The following MYOM2 variants were observed in gnomAD, a reference collection of about 807,000 sequenced individuals.
MYOM2 encodes myomesin-2.
MYOM2 carries 254 observed loss-of-function variants against 187.6 expected under a neutral mutation model. The ratio of observed to expected loss-of-function variants is 1.35; its 90% CI spans 1.22 to 1.50. The LOEUF is 1.50. Ranked by LOEUF, MYOM2 falls within the 40% of genes most tolerant of loss-of-function variation. MYOM2 has a pLI of 0.00. For missense variants in MYOM2, 2,796 were observed against 1,924.0 expected, an observed-to-expected ratio of 1.45 and a Z score of -8.48; for synonymous variants, 981 against 753.8, an observed-to-expected ratio of 1.30 and a Z score of -4.94.
At chr8:2,112,899 G>A (rs749340779) in intron 25 of MYOM2, among the ~76,000 whole-genome samples, 38 of 152,222 alleles carry the variant, frequency 2.5e-4, no homozygotes, top group Non-Finnish European at 4.4e-4. Context: ...TCCAAGGGCT[G>A]ACGGAGTCTT....
chr8:2,092,640 T>A, intron 16 of MYOM2, 120 bp downstream of exon 16: 1 of 1,049,756 alleles, frequency 9.5e-7, no homozygotes, highest in Non-Finnish European at 1.4e-6. Flanking sequence ...AATGAGTCTG[T>A]CTTAGCCACA....
intron 24 of MYOM2, 71 bp downstream of exon 24, chr8:2,108,901 A>T (rs1205774169): frequency 6.9e-7 from 1 of 1,447,232 alleles, no homozygotes; most frequent in African/African-American, 1.4e-5. Context: ...TTAATGCATG[A>T]GCTCTTGGAA....
rs190136166 is a variant in MYOM2, at chr8:2,089,080, A to G, written c.1645-928A>G. Among the ~76,000 whole-genome samples, 4 of 148,914 alleles carry G rather than the reference A, an allele frequency of 2.7e-5. No individual in the cohort carries two copies. In the East Asian group the frequency reaches 8.1e-4, roughly 30 times the overall value. ...AAAATGAGAGAAAACTCCTTCAAAT[A>G]TGAGTCTGATTTCTAGAAGTCTGGG... On this transcript the variant is annotated intron_variant, in intron 14 of 36. Coordinates refer to ENST00000262113, the MANE Select transcript of MYOM2 (RefSeq NM_003970.4).
At chr8:2,142,706 TTCCCTCCC>T (rs1323220167) in intron 35 of MYOM2, among the ~76,000 whole-genome samples, 3 of 13,414 alleles carry the variant, frequency 2.2e-4, no homozygotes, top group Admixed American at 4.2e-4. Flanking sequence ...TCCCCTCCCC[TTCCCTCCC>T]TCCCTCCCTC....
chr8:2,079,710 C>T, intron 13 of MYOM2, 97 bp downstream of exon 13: 1 of 1,284,114 alleles, frequency 7.8e-7, no homozygotes, highest in African/African-American at 1.5e-5. Context: ...CCCTACTGGG[C>T]ACGGCCTCTG....
rs772551245 is a variant in MYOM2 at position 2,140,778 on chromosome 8, G to T, written c.3856G>T (p.Ala1286Ser). ...HMRIGGSEEM[A>S]WLQICEPTEK... ...GAGAATCGGGGGGAGTGAAGAGATG[G>T]CTTGGCTGCAGATATGTGAGCCGAC... Residue 1286 changes from alanine to serine, a missense_variant, in exon 33 of 37, where the codon GCT (alanine) becomes TCT (serine). Physicochemically the swap from Ala to Ser is moderately conservative, Grantham distance 99. Transcript: ENST00000262113. The T allele has an allele frequency of 6.2e-7, 1 of 1,614,114 alleles. No homozygotes were observed. Among genetic ancestry groups the T allele is most frequent in the South Asian group, 1.1e-5 (1 of 91,068 alleles).
At chr8:2,114,157 C>T (rs1797160690) in intron 25 of MYOM2, among the ~76,000 whole-genome samples, 1 of 152,212 alleles carries the variant, frequency 6.6e-6, no homozygotes, top group Non-Finnish European at 1.5e-5. Flanking sequence ...GCAGAAGCTG[C>T]ACTGTTGCAG....
intron 32 of MYOM2, among the ~76,000 whole-genome samples, chr8:2,134,144 T>C (rs1797974484): frequency 6.6e-6 from 1 of 152,184 alleles, no homozygotes; most frequent in Non-Finnish European, 1.5e-5. Context: ...GCACCTTTTT[T>C]TCCAGGAACG....
At chr8:2,084,155 G>C (rs1213249373) in intron 13 of MYOM2, among the ~76,000 whole-genome samples, 1 of 152,210 alleles carries the variant, frequency 6.6e-6, no homozygotes, top group East Asian at 1.9e-4. Flanking sequence ...TGGGTATCTA[G>C]GTGTGGACAC....
chr8:2,124,284 A>G, intron 31 of MYOM2, 67 bp downstream of exon 31: 3 of 1,485,602 alleles, frequency 2.0e-6, no homozygotes, highest in Non-Finnish European at 2.8e-6. Context: ...TGACACGGGA[A>G]GTCACTGCTG....
intron 11 of MYOM2, 39 bp downstream of exon 11, chr8:2,076,321 G>A (rs149498670): frequency 2.0e-5 from 32 of 1,603,228 alleles, no homozygotes; most frequent in East Asian, 8.9e-5. Context: ...GGAACGTTCC[G>A]CATGGAATCT....
intron 5 of MYOM2, 77 bp downstream of exon 5, chr8:2,057,857 A>G (rs1246512323): frequency 1.2e-5 from 18 of 1,505,120 alleles, no homozygotes; most frequent in Non-Finnish European, 1.6e-5. Context: ...TAAGGAGACA[A>G]ACGCCATTGA....
At chr8:2,116,599 G>A (rs1797253083) in intron 27 of MYOM2, among the ~76,000 whole-genome samples, 1 of 152,146 alleles carries the variant, frequency 6.6e-6, no homozygotes, top group African/African-American at 2.4e-5. Context: ...CTATCACCAG[G>A]AAATTGCTCA....
Position 2,116,069 on chromosome 8 carries a change from C to T in MYOM2, c.3290C>T (p.Ala1097Val). Residue 1097 changes from alanine (A) to valine (V), a missense_variant, in exon 26 of 37, where the codon GCC becomes GTC. Physicochemically the swap from Ala to Val is moderately conservative, Grantham distance 64. Transcript: ENST00000262113. ...ACTGTGCAGATTCATGATGGGAAAG[C>T]CAAAAGTCAGTCTTCTCTAGTTCTT... ...TYTVQIHDGK[A>V]KSQSSLVLIG... 1.2e-6 allele frequency: 2 copies of T among 1,613,748 alleles called. No homozygotes were observed. The highest frequency in any genetic ancestry group is 8.5e-7 in the Non-Finnish European group (1 of 1,179,946).
chr8:2,057,678 C>G lies in MYOM2; in HGVS notation c.458C>G (p.Ala153Gly), dbSNP rs780974709. 1 of 1,614,100 alleles carries G rather than the reference C, an allele frequency of 6.2e-7. No homozygotes were observed. ...ACATTTGAAGAGCGGATAAGCAGGGCTCCTGAGATCCTGGTGCGGCTGCGA... is the reference window on the plus strand; with the variant it reads ...ACATTTGAAGAGCGGATAAGCAGGGGTCCTGAGATCCTGGTGCGGCTGCGA... ...RHTFEERISR[A>G]PEILVRLRSH... Residue 153 changes from alanine (A) to glycine (G), a missense_variant, in exon 5 of 37, where the codon GCT becomes GGT. By Grantham distance (60) the Ala-to-Gly change is moderately conservative (BLOSUM62 0). Transcript: ENST00000262113.
At chr8:2,073,548 G>T (rs1454545379) in intron 10 of MYOM2, 48 bp downstream of exon 10, 5 of 1,538,452 alleles carry the variant, frequency 3.3e-6, no homozygotes, top group South Asian at 1.2e-5. Context: ...TGTGCCCGGG[G>T]AGGGGAGGCA....
intron 23 of MYOM2, among the ~76,000 whole-genome samples, chr8:2,108,513 T>G (rs1290452339): frequency 6.6e-6 from 1 of 152,142 alleles, no homozygotes; most frequent in African/African-American, 2.4e-5. Context: ...TCTTCCTATA[T>G]TCCAGGGATA....
chr8:2,132,587 C>G (rs1195559061), intron 32 of MYOM2, among the ~76,000 whole-genome samples: 1 of 151,948 alleles, frequency 6.6e-6, no homozygotes, highest in African/African-American at 2.4e-5. Flanking sequence ...CTCTTTCTCT[C>G]TCTCTCTCTC....
Position 2,072,438 on chromosome 8 carries a change from C to T in MYOM2, c.887C>T (p.Thr296Ile). 6.2e-7 allele frequency: 1 copy of T among 1,614,170 alleles called. No homozygotes were observed. ...VTFRREGETVTLKCTMLVTPD... is the reference protein window; with the variant it reads ...VTFRREGETVILKCTMLVTPD... ...TTCAGGAGGGAAGGCGAGACGGTCA[C>T]TCTCAAGTGCACCATGCTGGTGACG... The change falls in exon 9 of 37, where the codon ACT becomes ATT. Residue 296 changes from threonine to isoleucine, a missense_variant. Thr to Ile is a moderately conservative substitution (Grantham distance 89). Coordinates refer to ENST00000262113, the MANE Select transcript of MYOM2 (RefSeq NM_003970.4).
Sources: allele counts gnomAD v4.1 joint callset (sites outside exome capture counted in the v4.1 genomes callset), GRCh38; gene constraint gnomAD v4.1.1; transcripts MANE v1.5; gene names NCBI Gene and HGNC (gene_info 2026-07-23, HGNC 2026-07-21).